The following HSD17B4 variants were observed in gnomAD, a reference collection of about 807,000 sequenced individuals.
HSD17B4 encodes the protein peroxisomal multifunctional enzyme type 2.
In HSD17B4, 70 loss-of-function variants were observed where a neutral mutation model predicts 101.0. The ratio of observed to expected loss-of-function variants is 0.69; its 90% confidence interval spans 0.57 to 0.85. The LOEUF is 0.85. Among genes scored for constraint, HSD17B4 ranks in the 40% least tolerant of loss-of-function variants. HSD17B4 has a pLI of 0.00. For missense variants in HSD17B4, 984 were observed against 892.4 expected, an observed-to-expected ratio of 1.10 and a Z score of -1.31; for synonymous variants, 347 against 297.1, an observed-to-expected ratio of 1.17 and a Z score of -1.73.
intron 8 of HSD17B4, 109 bp from the exon 9 acceptor site, chr5:119,489,083 C>A: frequency 2.6e-6 from 2 of 756,976 alleles, no homozygotes; most frequent in South Asian, 1.5e-5. Context: ...TATATACATA[C>A]TAATTTTGTT....
rs1214888945 is a variant in HSD17B4, at chr5:119,474,334, C to T, written c.221-67C>T. ...ATAGTATTTGTCGTGTACTCTGACC[C>T]ACAGAATTTAGAAGTCCTTTGGAAG... On this transcript the variant is annotated intron_variant, in intron 3 of 23. Transcript: ENST00000510025. The T allele has an allele frequency of 2.1e-5, 20 of 943,972 alleles. No homozygotes were observed. In the East Asian group the frequency reaches 4.8e-4, roughly 23 times the overall value. The allele number at this position is 943,972 out of a possible 1,614,324, so 58.5% of individuals were successfully genotyped here. A position where few individuals can be genotyped will look rare whatever the true frequency, so the allele number is the denominator to read the frequency against.
intron 2 of HSD17B4, among the ~76,000 whole-genome samples, chr5:119,458,349 T>TC (rs1452856227): frequency 6.6e-6 from 1 of 151,526 alleles, no homozygotes; most frequent in East Asian, 1.9e-4. Context: ...ACACTAATTT[T>TC]TTTTTTTTTT....
At chr5:119,476,055 A>G (rs1004930762) in intron 6 of HSD17B4, among the ~76,000 whole-genome samples, 185 bp downstream of exon 6, 1 of 152,238 alleles carries the variant, frequency 6.6e-6, no homozygotes, top group Non-Finnish European at 1.5e-5. Context: ...GAAAACATTT[A>G]ATACTTTTAA....
chr5:119,518,240 C>G (rs6881294), intron 17 of HSD17B4, among the ~76,000 whole-genome samples: 7,170 of 152,204 alleles, frequency 0.047, 607 homozygotes, highest in East Asian at 0.42. Context: ...GAACGAACAA[C>G]TCCAGACGTG....
Position 119,499,423 on chromosome 5 carries a change from A to T in HSD17B4, c.1079A>T (p.Asp360Val). The T allele has an allele frequency of 6.2e-7, 1 of 1,613,718 alleles. No homozygotes were observed. The highest frequency in any genetic ancestry group is 1.1e-5 in the South Asian group (1 of 91,076). ...GGAGCGTCAATCAAGGATCCAAAAG[A>T]TTTGAAATTTATTTATGAAGGAAGT... ...GVGASIKDPK[D>V]LKFIYEGSSD... Residue 360 changes from aspartate (D) to valine (V), a missense_variant, in exon 13 of 24, where the codon GAT becomes GTT. Asp to Val is a radical substitution (Grantham distance 152, BLOSUM62 -3). Coordinates refer to ENST00000510025, the MANE Select transcript of HSD17B4 (RefSeq NM_000414.4).
intron 2 of HSD17B4, among the ~76,000 whole-genome samples, chr5:119,460,579 A>G (rs1476414990): frequency 6.6e-6 from 1 of 152,222 alleles, no homozygotes; most frequent in Non-Finnish European, 1.5e-5. Flanking sequence ...TTTTAAAAAA[A>G]GTAATAAGGT....
At chr5:119,479,437 G>T (rs773917728) in intron 8 of HSD17B4, among the ~76,000 whole-genome samples, 8 of 152,076 alleles carry the variant, frequency 5.3e-5, no homozygotes, top group Non-Finnish European at 8.8e-5. Flanking sequence ...GGTCAGAGTG[G>T]TATATTTATT....
At chr5:119,493,688 A>T in intron 10 of HSD17B4, 130 bp from the exon 11 acceptor site, 1 of 816,274 alleles carries the variant, frequency 1.2e-6, no homozygotes, top group Non-Finnish European at 2.0e-6. Flanking sequence ...CTTATGGTAA[A>T]ACTCTTTAGG....
intron 10 of HSD17B4, 180 bp from the exon 11 acceptor site, chr5:119,493,638 C>G (rs1318319671): frequency 1.0e-5 from 6 of 578,372 alleles, no homozygotes; most frequent in Non-Finnish European, 1.8e-5. Context: ...TTAAATTGAC[C>G]TTATCCTAGT....
chr5:119,514,902 G>A, intron 16 of HSD17B4, 79 bp from the exon 17 acceptor site: 1 of 830,174 alleles, frequency 1.2e-6, no homozygotes, highest in Admixed American at 1.7e-5. Context: ...AAACATGATT[G>A]TGTATCAAAT....
chr5:119,529,768 C>T (rs1049585604), intron 20 of HSD17B4, 126 bp from the exon 21 acceptor site: 4 of 646,562 alleles, frequency 6.2e-6, no homozygotes, highest in Admixed American at 2.6e-5. Flanking sequence ...TTTATTTTAT[C>T]TGGATTATTA....
At chr5:119,487,817 A>G (rs940773427) in intron 8 of HSD17B4, among the ~76,000 whole-genome samples, 11 of 152,158 alleles carry the variant, frequency 7.2e-5, no homozygotes, top group Non-Finnish European at 1.5e-4. Flanking sequence ...AATGTTATGT[A>G]TTGAGATGAA....
At chr5:119,525,726 C>G in intron 18 of HSD17B4, 191 bp from the exon 19 acceptor site, 209 of 347,342 alleles carry the variant, frequency 6.0e-4, no homozygotes, top group East Asian at 1.0e-3. Context: ...TTTTTTTTTT[C>G]TTTCTTTCTT....
chr5:119,520,809 C>T (rs1437837012), intron 17 of HSD17B4, among the ~76,000 whole-genome samples: 2 of 152,060 alleles, frequency 1.3e-5, no homozygotes, highest in African/African-American at 2.4e-5. Context: ...CCTCATTTTC[C>T]CATTTAATCC....
rs370888351 is a variant in HSD17B4, at chr5:119,452,602, G to A, written c.27G>A (p.Gly9=). 1.1e-5 allele frequency: 17 copies of A among 1,614,048 alleles called. No homozygotes were observed. Among genetic ancestry groups the A allele is most frequent in the Non-Finnish European group, 1.4e-5 (17 of 1,180,004 alleles). Residue 9 remains glycine (G), a synonymous_variant, in exon 1 of 24, where the codon GGG becomes GGA. Coordinates refer to ENST00000510025, the MANE Select transcript of HSD17B4 (RefSeq NM_000414.4). MGSPLRFD[G]RVVLVTGAGA... ...TGGGCTCACCGCTGAGGTTCGACGG[G>A]CGGGTGGTACTGGTCACCGGCGCGG...
intron 2 of HSD17B4, chr5:119,456,693 A>G: frequency 2.6e-6 from 1 of 378,592 alleles, no homozygotes; most frequent in South Asian, 2.4e-5. Flanking sequence ...CCTGCAGAGA[A>G]CTATGATTAT....
At chr5:119,495,597 G>A (rs2126766314) in intron 11 of HSD17B4, 1 of 152,426 alleles carries the variant, frequency 6.6e-6, no homozygotes, top group African/African-American at 2.4e-5. Context: ...AAGATTAATA[G>A]GCAAGAAACC....
At chr5:119,481,945 C>T (rs1344722199) in intron 8 of HSD17B4, among the ~76,000 whole-genome samples, 1 of 151,936 alleles carries the variant, frequency 6.6e-6, no homozygotes, top group Admixed American at 6.6e-5. Context: ...CCAAGATTTT[C>T]TCCTTATCTT....
chr5:119,504,340 C>CT (rs1751459248), intron 14 of HSD17B4, among the ~76,000 whole-genome samples: 1 of 152,128 alleles, frequency 6.6e-6, no homozygotes, highest in Non-Finnish European at 1.5e-5. Flanking sequence ...GTTTTAAGTT[C>CT]TTTGAGAAAT....
Sources: allele counts gnomAD v4.1 joint callset (sites outside exome capture counted in the v4.1 genomes callset), GRCh38; gene constraint gnomAD v4.1.1; transcripts MANE v1.5; gene names NCBI Gene and HGNC (gene_info 2026-07-23, HGNC 2026-07-21).